BEND2: variants seen among roughly 807,000 people sequenced by gnomAD.
BEND2 encodes BEN domain-containing protein 2.
BEND2 carries 19 observed loss-of-function variants against 43.8 expected under a neutral mutation model. That is an observed-to-expected ratio of 0.43 (90% CI 0.30 to 0.64). The LOEUF (loss-of-function observed/expected upper bound fraction) is 0.64, where lower values mean the gene tolerates loss of function less well. Among genes scored for constraint, BEND2 ranks in the 30% least tolerant of loss-of-function variants. The probability of loss-of-function intolerance (pLI) is 0.11; values close to 1 mark genes in which losing one functional copy is unlikely to be tolerated. For missense variants in BEND2, 544 were observed against 574.0 expected, an observed-to-expected ratio of 0.95 and a Z score of 0.53; for synonymous variants, 226 against 210.1, an observed-to-expected ratio of 1.08 and a Z score of -0.66.
intron 7 of BEND2, 110 bp downstream of exon 7, chrX:18,195,183 ACCT>A: frequency 3.3e-6 from 3 of 907,811 alleles, no homozygotes; most frequent in Non-Finnish European, 4.4e-6. Context: ...TTTCTGAACT[ACCT>A]CAATATGAAA....
intron 5 of BEND2, 58 bp from the exon 6 acceptor site, chrX:18,201,998 A>T: frequency 9.3e-7 from 1 of 1,075,212 alleles, no homozygotes; most frequent in Non-Finnish European, 1.3e-6. Context: ...CAAATTCTAT[A>T]CAAAGCAAAA....
chrX:18,170,966 T>C, intron 13 of BEND2, 35 bp downstream of exon 13: 1 of 1,208,995 alleles, frequency 8.3e-7, no homozygotes, highest in Non-Finnish European at 1.1e-6. Context: ...ACAATTGGCT[T>C]TTATTTATTC....
At position 18,201,847 on chromosome X, in the gene BEND2, G is replaced by A; in HGVS notation, c.1001C>T (p.Ala334Val). 1 of 1,208,484 alleles carries A rather than the reference G, an allele frequency of 8.3e-7. No individual in the cohort carries two copies. The highest frequency in any genetic ancestry group is 1.1e-6 in the Non-Finnish European group (1 of 893,908). Residue 334 changes from alanine (A) to valine (V), a missense_variant, in exon 6 of 14, where the codon GCC becomes GTC. Transcript: ENST00000380033. ...LMGNYNGQNT[A>V]SLSVFIPPYF... ...GGGAGGGATGAAGACAGATAAAGAG[G>A]CAGTATTTTGGCCATTGTAATTTCC...
At chrX:18,177,874 A>G (rs1330970018) in intron 9 of BEND2, 105 bp from the exon 10 acceptor site, 3 of 723,262 alleles carry the variant, frequency 4.1e-6, no homozygotes, top group Non-Finnish European at 6.2e-6. Flanking sequence ...TTTTCTTCAA[A>G]TAAGGCAAAT....
intron 2 of BEND2, among the ~76,000 whole-genome samples, chrX:18,215,426 T>A (rs1925646197): frequency 8.9e-6 from 1 of 112,379 alleles, no homozygotes. Context: ...ATCAAATGAC[T>A]TTTTTGGTAT....
chrX:18,204,744 G>A (rs1925277169), intron 4 of BEND2, among the ~76,000 whole-genome samples: 1 of 111,320 alleles, frequency 9.0e-6, no homozygotes, highest in Non-Finnish European at 1.9e-5. Context: ...TGCAGGCACT[G>A]AGGATGCTCT....
At chrX:18,186,513 G>C (rs917547477) in intron 8 of BEND2, among the ~76,000 whole-genome samples, 1 of 105,227 alleles carries the variant, frequency 9.5e-6, no homozygotes, top group Non-Finnish European at 2.0e-5. Flanking sequence ...GAAACAAAAA[G>C]TTAAAAAGGG....
At chrX:18,190,470 A>G (rs1306898265) in intron 8 of BEND2, among the ~76,000 whole-genome samples, 2 of 111,759 alleles carry the variant, frequency 1.8e-5, no homozygotes, top group African/African-American at 6.5e-5. Context: ...CAATCTCAAA[A>G]GGTTAAATGG....
chrX:18,174,376 T>G, intron 11 of BEND2, 118 bp from the exon 12 acceptor site: 24 of 603,285 alleles, frequency 4.0e-5, no homozygotes, highest in East Asian at 1.8e-4. Context: ...CTTTAAAAGG[T>G]GGGCTGAAGC....
chrX:18,177,098 T>C (rs192207799), intron 10 of BEND2, among the ~76,000 whole-genome samples: 237 of 109,667 alleles, frequency 2.2e-3, no homozygotes, highest in Non-Finnish European at 2.4e-3. Context: ...TATCCATGAG[T>C]TCTAGGATCT....
intron 8 of BEND2, among the ~76,000 whole-genome samples, chrX:18,187,274 C>G (rs758727554): frequency 9.0e-6 from 1 of 111,235 alleles, no homozygotes; most frequent in Non-Finnish European, 1.9e-5. Context: ...TGTAAAGATA[C>G]GCTGAAAATA....
At chrX:18,180,767 C>A in intron 8 of BEND2, 117 bp from the exon 9 acceptor site, 1 of 525,965 alleles carries the variant, frequency 1.9e-6, no homozygotes, top group Non-Finnish European at 3.0e-6. Context: ...TGCCAGCAGA[C>A]CTACTCTTTT....
chrX:18,177,645 G>C lies in BEND2; in HGVS notation c.1554C>G (p.Ile518Met), dbSNP rs1667603218. Residue 518 changes from isoleucine to methionine, a missense_variant, in exon 10 of 14, where the codon ATC (isoleucine) becomes ATG (methionine). Coordinates refer to ENST00000380033, the MANE Select transcript of BEND2 (RefSeq NM_153346.5). ...GGATATCCACTGAGCTGCTAATCAG[G>C]ATTTCCTTGGAGAACAAAATACGAA... ...YLVRILFSKEILISSSVDIHL... is the reference protein window; with the variant it reads ...YLVRILFSKEMLISSSVDIHL... 10 of 1,209,146 alleles carry C rather than the reference G, an allele frequency of 8.3e-6. No individual in the cohort carries two copies. The highest frequency in any genetic ancestry group is 1.1e-5 in the Non-Finnish European group (10 of 894,850).
intron 9 of BEND2, among the ~76,000 whole-genome samples, chrX:18,178,253 T>C (rs1015670560): frequency 1.5e-4 from 17 of 111,963 alleles, no homozygotes; most frequent in African/African-American, 5.5e-4. Context: ...CAGTAGTTCC[T>C]GTATATCAGG....
intron 4 of BEND2, among the ~76,000 whole-genome samples, chrX:18,204,678 CAG>C (rs1487536864): frequency 4.5e-5 from 5 of 111,702 alleles, no homozygotes; most frequent in Non-Finnish European, 7.5e-5. Flanking sequence ...GTAGGTGACA[CAG>C]AGCCAAGAGG....
intron 4 of BEND2, among the ~76,000 whole-genome samples, chrX:18,211,300 AG>A (rs1244589734): frequency 8.9e-6 from 1 of 112,161 alleles, no homozygotes. Flanking sequence ...AATGTAAAAC[AG>A]TATGACCACT....
intron 6 of BEND2, among the ~76,000 whole-genome samples, chrX:18,198,055 G>C (rs913408641): frequency 1.8e-5 from 2 of 111,624 alleles, no homozygotes; most frequent in Non-Finnish European, 3.8e-5. Context: ...ATTAATTCAA[G>C]ATGGCGTAAA....
At chrX:18,169,132 A>G (rs1239414696) in intron 13 of BEND2, among the ~76,000 whole-genome samples, 2 of 110,166 alleles carry the variant, frequency 1.8e-5, no homozygotes, top group Non-Finnish European at 3.8e-5. Flanking sequence ...GCAACAGAGC[A>G]AGACCCCATC....
intron 6 of BEND2, among the ~76,000 whole-genome samples, chrX:18,199,050 T>G (rs1214785889): frequency 1.7e-5 from 1 of 60,312 alleles, no homozygotes; most frequent in Non-Finnish European, 2.9e-5. Flanking sequence ...TGGGGACTGT[T>G]GTGGGGTGGG....
Sources: allele counts gnomAD v4.1 joint callset (sites outside exome capture counted in the v4.1 genomes callset), GRCh38; gene constraint gnomAD v4.1.1; transcripts MANE v1.5; gene names NCBI Gene and HGNC (gene_info 2026-07-23, HGNC 2026-07-21).